CDON: variants seen among roughly 807,000 people sequenced by gnomAD.
The protein encoded by CDON is cell adhesion associated, oncogene regulated.
Under a neutral mutation model 120.9 loss-of-function variants are expected in CDON, and 73 were observed. That is an observed-to-expected ratio of 0.60 (90% CI 0.50 to 0.73). The LOEUF (loss-of-function observed/expected upper bound fraction) is 0.73, where lower values mean the gene tolerates loss of function less well. Among genes scored for constraint, CDON ranks in the 30% least tolerant of loss-of-function variants. CDON has a pLI of 0.00. For synonymous variants in CDON, 566 were observed against 573.5 expected (o/e 0.99, Z 0.19); for missense variants, 1,470 against 1,587.3 (o/e 0.93, Z 1.26).
chr11:126,049,544 G>A (rs1328678967), intron 1 of CDON, among the ~76,000 whole-genome samples: 1 of 152,178 alleles, frequency 6.6e-6, no homozygotes, highest in Non-Finnish European at 1.5e-5. Context: ...AGTCATCAAA[G>A]TCATTTTTAA....
chr11:126,016,369 C>T (rs1947468549), intron 6 of CDON, among the ~76,000 whole-genome samples: 1 of 152,096 alleles, frequency 6.6e-6, no homozygotes, highest in African/African-American at 2.4e-5. Context: ...AATTTTATCA[C>T]CCAGGCATTG....
At chr11:126,046,612 C>A (rs1439633682) in intron 1 of CDON, among the ~76,000 whole-genome samples, 1 of 152,094 alleles carries the variant, frequency 6.6e-6, no homozygotes, top group African/African-American at 2.4e-5. Context: ...CGACGGTGGC[C>A]CCCCTTGTCA....
intron 7 of CDON, chr11:126,014,902 C>T: frequency 6.7e-6 from 2 of 298,936 alleles, no homozygotes; most frequent in Admixed American, 4.6e-5. Context: ...GCACTACATA[C>T]AAGGCTGCTC....
chr11:126,038,080 T>C (rs888983654), intron 1 of CDON, among the ~76,000 whole-genome samples: 19 of 152,128 alleles, frequency 1.2e-4, no homozygotes, highest in African/African-American at 3.9e-4. Flanking sequence ...AGACTGTTCA[T>C]GTTCAGTCAA....
At chr11:126,022,118 A>C (rs1017063684) in intron 2 of CDON, among the ~76,000 whole-genome samples, 1 of 151,286 alleles carries the variant, frequency 6.6e-6, no homozygotes, top group East Asian at 1.9e-4. Flanking sequence ...AAAAAAAAAA[A>C]AAAAAAAGAA....
intron 11 of CDON, among the ~76,000 whole-genome samples, chr11:125,998,237 ATAT>A (rs1319550234): frequency 3.3e-5 from 5 of 152,136 alleles, no homozygotes; most frequent in South Asian, 2.1e-4. Context: ...TGACCAAGTG[ATAT>A]GGCTTGGATA....
In CDON at chr11:125,960,956, G is replaced by A. The variant is rs1945625010; in HGVS notation, c.3781C>T (p.Pro1261Ser). 3 of 1,614,090 alleles carry A rather than the reference G, an allele frequency of 1.9e-6. No individual in the cohort carries two copies. The highest frequency in any genetic ancestry group is 1.1e-5 in the South Asian group (1 of 91,094). ...TTTGCATGTCCTCAGGTTTCCCGGGGCTGCTGAAGGACCTCTGTCGGGCTG... is the reference window on the plus strand; with the variant it reads ...TTTGCATGTCCTCAGGTTTCCCGGGACTGCTGAAGGACCTCTGTCGGGCTG... ...LDSPTEVLQQPRET is the reference protein window; with the variant it reads ...LDSPTEVLQQSRET Residue 1261 changes from proline (P) to serine (S), a missense_variant, in exon 20 of 20, where the codon CCC (proline) becomes TCC (serine). Coordinates refer to ENST00000531738, the MANE Select transcript of CDON (RefSeq NM_001378964.1).
intron 13 of CDON, among the ~76,000 whole-genome samples, chr11:125,994,616 A>G (rs988787912): frequency 1.4e-4 from 21 of 152,226 alleles, no homozygotes; most frequent in Admixed American, 2.6e-4. Context: ...ATAAAAGCAC[A>G]TTTGGTTCAA....
intron 18 of CDON, among the ~76,000 whole-genome samples, chr11:125,976,350 G>A (rs989174779): frequency 2.6e-5 from 4 of 152,124 alleles, no homozygotes; most frequent in Admixed American, 2.0e-4. Context: ...GGCAATGCAG[G>A]CAAGTAAAGA....
At chr11:125,993,260 G>T (rs1946680770) in intron 14 of CDON, among the ~76,000 whole-genome samples, 2 of 152,148 alleles carry the variant, frequency 1.3e-5, no homozygotes, top group Non-Finnish European at 2.9e-5. Context: ...CACTGTAGGG[G>T]CTGGACATAG....
Position 126,050,532 on chromosome 11 carries a change from A to AC in CDON, c.-62+12046_-62+12047insG, listed in dbSNP as rs397972926. Among the ~76,000 whole-genome samples, 233 of 149,664 alleles carry AC rather than the reference A, an allele frequency of 1.6e-3. 1 individual carries two copies. The highest frequency in any genetic ancestry group is 0.011 in the East Asian group (58 of 5,056). ...CACACACACACACACACACACACAC[A>AC]AACAAAAAAAAGTCTGTAAAATACT... On this transcript the variant is annotated intron_variant, in intron 1 of 19. Coordinates refer to ENST00000531738, the MANE Select transcript of CDON (RefSeq NM_001378964.1).
At chr11:125,970,423 T>C (rs1006093594) in intron 18 of CDON, among the ~76,000 whole-genome samples, 70 of 152,228 alleles carry the variant, frequency 4.6e-4, no homozygotes, top group African/African-American at 1.6e-3. Flanking sequence ...TCTGCCTGCT[T>C]CAGTCTCCCA....
In CDON at chr11:125,973,389, G is replaced by A. The variant is rs530896499; in HGVS notation, c.3356+4915C>T. ...CTACTAAAAATGCAAAAAATTAGCCGGGCGTGGTGGCGGGCACCTGTAATC... is the reference window on the plus strand; with the variant it reads ...CTACTAAAAATGCAAAAAATTAGCCAGGCGTGGTGGCGGGCACCTGTAATC... On this transcript the variant is annotated intron_variant, in intron 18 of 19. Coordinates refer to ENST00000531738, the MANE Select transcript of CDON (RefSeq NM_001378964.1). Among the ~76,000 whole-genome samples the A allele has an allele frequency of 7.2e-5, 11 of 152,214 alleles. No homozygotes were observed. In the South Asian group the frequency reaches 1.2e-3, roughly 17 times the overall value.
rs767611891 is a variant in CDON, at chr11:126,018,348, G to A, written c.622C>T (p.Arg208Ter). The stretch of plus-strand genomic sequence containing the variant: ...TACTTACGACTCACAAGGAGCTTTC[G>A]GCCAATAGGTTCAACTTTTAATTGA... The part of the protein sequence containing the change: ...THQLKVEPIG[R>*]KLLVSRPSSD... Residue 208 changes from arginine (R) to a stop codon, truncating the protein, a stop_gained, in exon 5 of 20, where the codon CGA (arginine) becomes TGA (stop). Transcript: ENST00000531738. LOFTEE classifies it high-confidence loss of function. 1.2e-6 allele frequency: 2 copies of A among 1,613,822 alleles called. No homozygotes were observed. The highest frequency in any genetic ancestry group is 1.7e-6 in the Non-Finnish European group (2 of 1,179,914).
chr11:126,056,752 T>C (rs1206107242), intron 1 of CDON, among the ~76,000 whole-genome samples: 1 of 152,206 alleles, frequency 6.6e-6, no homozygotes, highest in Non-Finnish European at 1.5e-5. Context: ...CTGACCACAA[T>C]TGTTAATAGG....
At chr11:125,965,863 T>C (rs1409762364) in intron 18 of CDON, among the ~76,000 whole-genome samples, 1 of 152,124 alleles carries the variant, frequency 6.6e-6, no homozygotes, top group Non-Finnish European at 1.5e-5. Context: ...GCCTGGTTAC[T>C]GTGGCTCACA....
chr11:126,040,639 C>G (rs1194828337), intron 1 of CDON, among the ~76,000 whole-genome samples: 5 of 142,706 alleles, frequency 3.5e-5, no homozygotes, highest in African/African-American at 1.3e-4. Context: ...CACGGTGAAA[C>G]CCCGTCTCTA....
chr11:126,023,308 A>G, intron 2 of CDON, 93 bp downstream of exon 2: 1 of 845,960 alleles, frequency 1.2e-6, no homozygotes, highest in South Asian at 1.3e-5. Context: ...TTTAGATAGC[A>G]CCATTATCAC....
rs56088925 is a variant in CDON, at chr11:126,015,696, C to T, written c.929-186G>A. Among the ~76,000 whole-genome samples the T allele has an allele frequency of 0.074, 11,206 of 152,166 alleles. 528 individuals are homozygous for T. The highest frequency in any genetic ancestry group is 0.11 in the Non-Finnish European group (7,347 of 67,998). On this transcript the variant is annotated intron_variant, in intron 6 of 19. Transcript: ENST00000531738. ...AGAAATGTTCCACTAATAGGATAAACCATATGTTGCTAATAAGATATAGTC... is the reference window on the plus strand; with the variant it reads ...AGAAATGTTCCACTAATAGGATAAATCATATGTTGCTAATAAGATATAGTC...
Sources: allele counts gnomAD v4.1 joint callset (sites outside exome capture counted in the v4.1 genomes callset), GRCh38; gene constraint gnomAD v4.1.1; transcripts MANE v1.5; gene names NCBI Gene and HGNC (gene_info 2026-07-23, HGNC 2026-07-21).